Variants in SCN1A observed in about 807,000 individuals in gnomAD.
The protein encoded by SCN1A is sodium channel protein type 1 subunit alpha.
In SCN1A, 13 loss-of-function variants were observed where a neutral mutation model predicts 193.7. The observed-to-expected ratio is 0.07, with a 90% CI of 0.04 to 0.11. SCN1A has a LOEUF of 0.11. Among genes scored for constraint, SCN1A ranks in the 10% least tolerant of loss-of-function variants. SCN1A has a pLI of 1.00. For synonymous variants in SCN1A, 781 were observed against 843.6 expected (o/e 0.93, Z 1.29); for missense variants, 1,432 against 2,451.1 (o/e 0.58, Z 8.78).
In SCN1A at chr2:165,989,256, G is replaced by T. The variant is rs371391758; in HGVS notation, c.*1989C>A. On this transcript the variant is annotated 3_prime_UTR_variant, in exon 29 of 29. Coordinates refer to ENST00000674923, the MANE Select transcript of SCN1A (RefSeq NM_001165963.4). ...TAGCATTTTCCAGCATGCAGTTCAC[G>T]AATACAGTTTATCTAAGTAGTTTTA... 1 of 152,428 alleles carries T rather than the reference G, an allele frequency of 6.6e-6. No individual in the cohort carries two copies. Among genetic ancestry groups the T allele is most frequent in the Non-Finnish European group, 1.5e-5 (1 of 68,012 alleles). 9.4% of individuals were successfully genotyped at this position (152,428 alleles called of 1,614,324 possible).
At chr2:166,025,435 A>G (rs894436164) in intron 19 of SCN1A, among the ~76,000 whole-genome samples, 1 of 152,160 alleles carries the variant, frequency 6.6e-6, no homozygotes, top group Non-Finnish European at 1.5e-5. Context: ...CAGGCAGAGC[A>G]TATCTTTTCA....
chr2:166,115,781 G>A (rs757228401), intron 2 of SCN1A, among the ~76,000 whole-genome samples: 6 of 152,306 alleles, frequency 3.9e-5, no homozygotes, highest in Middle Eastern at 3.4e-3. Flanking sequence ...CAGTGGCAAT[G>A]AGACTTAGTC....
At chr2:166,067,007 G>A (rs1189507808) in intron 4 of SCN1A, among the ~76,000 whole-genome samples, 1 of 151,952 alleles carries the variant, frequency 6.6e-6, no homozygotes, top group Non-Finnish European at 1.5e-5. Context: ...ATTCTATGCT[G>A]TTCTCTTTCC....
rs566645401 is a variant in SCN1A, at chr2:166,033,518, A to T, written c.3429+2530T>A. Reference sequence around the variant, plus strand: ...CTATTTCATTAAAATTAAAAAAAAAAACTGGCCTATTAAAGGGATTTCTCA... The same window carrying T: ...CTATTTCATTAAAATTAAAAAAAAATACTGGCCTATTAAAGGGATTTCTCA... On this transcript the variant is annotated intron_variant, in intron 19 of 28. Coordinates refer to ENST00000674923, the MANE Select transcript of SCN1A (RefSeq NM_001165963.4). 1.3e-4 allele frequency among the ~76,000 whole-genome samples: 20 copies of T among 152,162 alleles called. No homozygotes were observed. In the South Asian group the frequency reaches 4.2e-3, roughly 32 times the overall value.
At chr2:166,067,342 T>C (rs1683947783) in intron 4 of SCN1A, among the ~76,000 whole-genome samples, 2 of 152,134 alleles carry the variant, frequency 1.3e-5, no homozygotes, top group Admixed American at 6.6e-5. Flanking sequence ...TGGCCAAGTG[T>C]TGAAATGACC....
chr2:166,009,213 TTG>T, intron 23 of SCN1A: 1 of 151,302 alleles, frequency 6.6e-6, no homozygotes, highest in Non-Finnish European at 1.5e-5. Flanking sequence ...CCATCTAATC[TTG>T]AATATATTCA....
At chr2:166,033,438 G>T (rs550809552) in intron 19 of SCN1A, among the ~76,000 whole-genome samples, 28 of 150,434 alleles carry the variant, frequency 1.9e-4, no homozygotes, top group African/African-American at 6.6e-4. Context: ...TTGGCCGGGT[G>T]CAGTAGCTCA....
chr2:166,036,453 T>G lies in SCN1A; in HGVS notation c.3024A>C (p.Glu1008Asp), dbSNP rs1696388916. The change falls in exon 19 of 29, where the codon GAA becomes GAC. Residue 1008 changes from glutamate (E) to aspartate (D), a missense_variant. By Grantham distance (45) the Glu-to-Asp change is conservative (BLOSUM62 2). Around this residue, in one of 18 missense-constraint regions of SCN1A, gnomAD observed 13 missense variants for 20.6 expected, o/e 0.63. Coordinates refer to ENST00000674923, the MANE Select transcript of SCN1A (RefSeq NM_001165963.4). ...DNLAATDDDN[E>D]MNNLQIAVDR... ...CCACAGCAATTTGGAGATTATTCAT[T>G]TCATTATCATCATCAGTGGCTGCAA... The G allele has an allele frequency of 2.5e-6, 4 of 1,608,720 alleles. No individual in the cohort carries two copies. The highest frequency in any genetic ancestry group is 3.4e-6 in the Non-Finnish European group (4 of 1,178,580).
At chr2:166,058,146 A>G (rs1250335017) in intron 5 of SCN1A, among the ~76,000 whole-genome samples, 2 of 152,068 alleles carry the variant, frequency 1.3e-5, no homozygotes, top group Admixed American at 6.6e-5. Context: ...TCTAAGATAC[A>G]CTGAAGTGTT....
In SCN1A at chr2:166,038,007, G is replaced by A. The variant is rs778280690; in HGVS notation, c.2715C>T (p.Ala905=). 45 of 1,614,058 alleles carry A rather than the reference G, an allele frequency of 2.8e-5. No homozygotes were observed. Among genetic ancestry groups the A allele is most frequent in the Non-Finnish European group, 3.5e-5 (41 of 1,180,048 alleles). Residue 905 remains alanine (A), a synonymous_variant, in exon 18 of 29, where the codon GCC becomes GCT. Coordinates refer to ENST00000674923, the MANE Select transcript of SCN1A (RefSeq NM_001165963.4). ...LVLAIIVFIF[A]VVGMQLFGKS... ...TACCAAAGAGCTGCATGCCGACCAC[G>A]GCAAAAATGAAGACGATGATGGCCA...
chr2:166,048,446 A>G (rs944455158), intron 10 of SCN1A, among the ~76,000 whole-genome samples: 2 of 152,130 alleles, frequency 1.3e-5, no homozygotes, highest in Non-Finnish European at 2.9e-5. Context: ...AAGTGAGGAC[A>G]TGCGGTACTT....
chr2:166,072,789 T>TTTCCTTCCTTCC (rs3032639), intron 4 of SCN1A, among the ~76,000 whole-genome samples: 1,714 of 144,528 alleles, frequency 0.012, 32 homozygotes, highest in African/African-American at 0.032. Flanking sequence ...TGCCTCTTTC[T>TTTCCTTCCTTCC]TTCCTTCCTT....
At chr2:166,139,883 C>T (rs796401577) in intron 1 of SCN1A, among the ~76,000 whole-genome samples, 9 of 152,130 alleles carry the variant, frequency 5.9e-5, no homozygotes, top group African/African-American at 1.4e-4. Context: ...GAGTGGGGCA[C>T]AGCCAAATCA....
At chr2:166,085,287 G>A (rs1157416120) in intron 2 of SCN1A, among the ~76,000 whole-genome samples, 1 of 152,160 alleles carries the variant, frequency 6.6e-6, no homozygotes, top group Non-Finnish European at 1.5e-5. Flanking sequence ...TTTAATTTAT[G>A]TTTTAAGACT....
At chr2:165,998,249 A>T in intron 25 of SCN1A, 74 bp from the exon 26 acceptor site, 9 of 1,278,996 alleles carry the variant, frequency 7.0e-6, no homozygotes, top group Non-Finnish European at 9.9e-6. Context: ...GCTTTTTCAT[A>T]ACAATAGAAA....
chr2:165,994,430 G>T lies in SCN1A; in HGVS notation c.4582-14C>A, dbSNP rs1435682187. 1 of 1,611,886 alleles carries T rather than the reference G, an allele frequency of 6.2e-7. No individual in the cohort carries two copies. The highest frequency in any genetic ancestry group is 1.3e-5 in the African/African-American group (1 of 74,808). On this transcript the variant is annotated splice_polypyrimidine_tract_variant and intron_variant, in intron 27 of 28. Transcript: ENST00000674923. Reference sequence around the variant, plus strand: ...TTGAAATTTGTTCTGTAGAGAAATAGAAATGCTTTTAACAACAAAGGAGTT... The same window carrying T: ...TTGAAATTTGTTCTGTAGAGAAATATAAATGCTTTTAACAACAAAGGAGTT...
chr2:166,144,859 T>C (rs201809099), intron 1 of SCN1A, among the ~76,000 whole-genome samples: 41,595 of 151,064 alleles, frequency 0.28, 5,949 homozygotes, highest in African/African-American at 0.36. Context: ...CATGGTTTTT[T>C]TTTTTTTTTT....
At chr2:166,072,837 CTTTTTTTTTT>C (rs796420549) in intron 4 of SCN1A, among the ~76,000 whole-genome samples, 4 of 119,462 alleles carry the variant, frequency 3.3e-5, no homozygotes, top group East Asian at 5.2e-4. Flanking sequence ...TCTCTTCTTT[CTTTTTTTTTT>C]TTTTTTTTTT....
chr2:166,040,427 A>C (rs899405812), intron 16 of SCN1A, among the ~76,000 whole-genome samples: 21 of 152,338 alleles, frequency 1.4e-4, no homozygotes, highest in African/African-American at 3.8e-4. Context: ...GCACATGAAA[A>C]AAATAAATTT....
Sources: gnomAD v4.1 joint callset for allele counts (sites outside exome capture counted in the v4.1 genomes callset) on GRCh38, gnomAD v4.1.1 for gene constraint, gnomAD v4.1.1 regional missense constraint, MANE v1.5 for transcripts, NCBI Gene and HGNC (gene_info 2026-07-23, HGNC 2026-07-21) for gene names.